ADAMTSL3: variants seen among roughly 807,000 people sequenced by gnomAD.
ADAMTSL3 encodes ADAMTS-like protein 3.
ADAMTSL3 carries 128 observed loss-of-function variants against 201.7 expected under a neutral mutation model. The ratio of observed to expected loss-of-function variants is 0.63; its 90% CI spans 0.55 to 0.73. ADAMTSL3 has a LOEUF of 0.73. ADAMTSL3 is among the 30% of genes least tolerant of loss of function. ADAMTSL3 has a pLI of 0.00. For synonymous variants in ADAMTSL3, 738 were observed against 748.4 expected (o/e 0.99, Z 0.23); for missense variants, 1,990 against 2,119.6 (o/e 0.94, Z 1.20).
chr15:83,837,703 G>T (rs993419056), intron 6 of ADAMTSL3, among the ~76,000 whole-genome samples: 6 of 151,352 alleles, frequency 4.0e-5, no homozygotes, highest in African/African-American at 1.5e-4. Flanking sequence ...TTGGGAGGCT[G>T]AGGTGGGAGG....
intron 8 of ADAMTSL3, among the ~76,000 whole-genome samples, chr15:83,863,131 A>T (rs1007544899): frequency 6.6e-6 from 1 of 152,220 alleles, no homozygotes; most frequent in Non-Finnish European, 1.5e-5. Context: ...AAGTCCTTAG[A>T]GACCTACAAA....
intron 2 of ADAMTSL3, among the ~76,000 whole-genome samples, chr15:83,669,893 A>G (rs1158377744): frequency 7.2e-5 from 11 of 152,016 alleles, no homozygotes; most frequent in Admixed American, 7.2e-4. Flanking sequence ...TGAAATTATG[A>G]CTTTGGGAGG....
intron 19 of ADAMTSL3, among the ~76,000 whole-genome samples, chr15:83,961,302 A>T (rs2066964971): frequency 6.6e-6 from 1 of 152,200 alleles, no homozygotes; most frequent in South Asian, 2.1e-4. Context: ...ATTGGTTTTT[A>T]GTGGCCATAA....
At chr15:84,031,493 T>C in intron 28 of ADAMTSL3, 61 bp downstream of exon 28, 2 of 1,430,840 alleles carry the variant, frequency 1.4e-6, no homozygotes, top group South Asian at 1.2e-5. Flanking sequence ...ACAATGATTA[T>C]AACTGCCTGA....
In ADAMTSL3 at chr15:84,037,916, TG is replaced by T. The variant is rs2068540700; in HGVS notation, c.*112del. The T allele has an allele frequency of 7.0e-7, 1 of 1,433,416 alleles. No individual in the cohort carries two copies. Among genetic ancestry groups the T allele is most frequent in the Non-Finnish European group, 9.2e-7 (1 of 1,088,500 alleles). 88.8% of individuals were successfully genotyped at this position (1,433,416 alleles called of 1,614,324 possible). On this transcript the variant is annotated 3_prime_UTR_variant, in exon 30 of 30. Coordinates refer to ENST00000286744, the MANE Select transcript of ADAMTSL3 (RefSeq NM_207517.3). ...GTATTTCTTAAAAGACTAGATTCTA[TG>T]GATCAAACAGAGGTTGATGCAAAAA...
At chr15:83,779,624 G>A (rs992559631) in intron 4 of ADAMTSL3, among the ~76,000 whole-genome samples, 43 of 150,474 alleles carry the variant, frequency 2.9e-4, no homozygotes, top group African/African-American at 1.0e-3. Context: ...TGTGAACCTG[G>A]GAGGCAGAGC....
chr15:83,692,099 T>G (rs1433053736), intron 2 of ADAMTSL3, among the ~76,000 whole-genome samples: 2 of 152,062 alleles, frequency 1.3e-5, no homozygotes, highest in Non-Finnish European at 2.9e-5. Context: ...GTAGTTTGCC[T>G]TCTTCTTTTT....
chr15:83,883,007 T>G (rs911983765), intron 9 of ADAMTSL3, among the ~76,000 whole-genome samples: 1 of 152,024 alleles, frequency 6.6e-6, no homozygotes, highest in African/African-American at 2.4e-5. Context: ...TCTCTATTTT[T>G]TAAAGAAATA....
At chr15:83,763,847 A>C (rs1397231514) in intron 3 of ADAMTSL3, among the ~76,000 whole-genome samples, 1 of 152,178 alleles carries the variant, frequency 6.6e-6, no homozygotes, top group East Asian at 1.9e-4. Context: ...CAGAATATAC[A>C]ATCATTGTTA....
chr15:83,890,450 G>A (rs942378904), intron 11 of ADAMTSL3, among the ~76,000 whole-genome samples: 2 of 152,176 alleles, frequency 1.3e-5, no homozygotes, highest in Non-Finnish European at 2.9e-5. Context: ...TTCTCTTGTC[G>A]TGGGCTATGT....
chr15:83,795,305 C>T (rs1433536084), intron 4 of ADAMTSL3, among the ~76,000 whole-genome samples: 1 of 151,982 alleles, frequency 6.6e-6, no homozygotes, highest in East Asian at 1.9e-4. Flanking sequence ...AAAGTTGAAC[C>T]TACAAGAAAT....
intron 3 of ADAMTSL3, among the ~76,000 whole-genome samples, chr15:83,743,519 C>CAA (rs759218799): frequency 0.023 from 1,272 of 55,538 alleles, 33 homozygotes; most frequent in African/African-American, 0.066. Context: ...GACTCCGTCT[C>CAA]AAAAAAAAAA....
At chr15:83,867,054 A>G (rs1220015322) in intron 8 of ADAMTSL3, among the ~76,000 whole-genome samples, 1 of 152,346 alleles carries the variant, frequency 6.6e-6, no homozygotes, top group East Asian at 1.9e-4. Flanking sequence ...ATCTAAATAT[A>G]GAAGTGGTTT....
chr15:83,852,960 G>A (rs1482922424), intron 7 of ADAMTSL3, among the ~76,000 whole-genome samples: 2 of 152,060 alleles, frequency 1.3e-5, no homozygotes, highest in East Asian at 1.9e-4. Context: ...GGGTTCAAGT[G>A]ATTCTCCAGC....
At chr15:83,769,011 G>A (rs563237641) in intron 3 of ADAMTSL3, among the ~76,000 whole-genome samples, 2 of 152,248 alleles carry the variant, frequency 1.3e-5, no homozygotes, top group Admixed American at 1.3e-4. Flanking sequence ...CTTTCTTAGA[G>A]GGAAAATATC....
intron 10 of ADAMTSL3, 89 bp downstream of exon 10, chr15:83,885,301 TGTG>T: frequency 1.9e-6 from 2 of 1,041,988 alleles, no homozygotes. Context: ...TTAAAATTGG[TGTG>T]GTGATTAGAG....
At chr15:84,030,953 C>T (rs2068398470) in intron 27 of ADAMTSL3, among the ~76,000 whole-genome samples, 2 of 152,186 alleles carry the variant, frequency 1.3e-5, no homozygotes, top group Admixed American at 1.3e-4. Flanking sequence ...CTCTTTGCCG[C>T]TTGTGAAGAA....
chr15:83,924,370 C>T (rs2066209853), intron 17 of ADAMTSL3, among the ~76,000 whole-genome samples: 2 of 152,172 alleles, frequency 1.3e-5, no homozygotes. Context: ...CTTAATATCC[C>T]ATCAGAAAGC....
At chr15:83,933,018 A>C (rs181073163) in intron 17 of ADAMTSL3, among the ~76,000 whole-genome samples, 1 of 152,268 alleles carries the variant, frequency 6.6e-6, no homozygotes, top group Non-Finnish European at 1.5e-5. Context: ...AGAAGAACCA[A>C]TTATCACATT....
Sources: allele counts gnomAD v4.1 joint callset (sites outside exome capture counted in the v4.1 genomes callset), GRCh38; gene constraint gnomAD v4.1.1; transcripts MANE v1.5; gene names NCBI Gene and HGNC (gene_info 2026-07-23, HGNC 2026-07-21).